SLC44A5: variants seen among roughly 807,000 people sequenced by gnomAD.
The protein encoded by SLC44A5 is solute carrier family 44 member 5, also known as choline transporter-like protein 5.
SLC44A5 carries 57 observed loss-of-function variants against 101.8 expected under a neutral mutation model. The observed-to-expected ratio is 0.56, with a 90% CI of 0.45 to 0.70. The LOEUF is 0.70. SLC44A5 is among the 30% of genes least tolerant of loss of function. The pLI is 0.00. For missense variants in SLC44A5, 737 were observed against 853.1 expected (o/e 0.86, Z 1.70); for synonymous variants, 281 against 290.9 (o/e 0.97, Z 0.35).
At chr1:75,464,158 G>T (rs1221359808) in intron 2 of SLC44A5, among the ~76,000 whole-genome samples, 4 of 141,994 alleles carry the variant, frequency 2.8e-5, no homozygotes, top group Non-Finnish European at 6.0e-5. Flanking sequence ...GAAGGTGGAG[G>T]TTGCAGTGAA....
At chr1:75,589,710 T>A (rs1440425696) in intron 1 of SLC44A5, among the ~76,000 whole-genome samples, 1 of 152,088 alleles carries the variant, frequency 6.6e-6, no homozygotes, top group African/African-American at 2.4e-5. Flanking sequence ...TGCCCCCACC[T>A]CTGGCAGCAG....
chr1:75,332,096 A>G (rs962448901), intron 4 of SLC44A5, among the ~76,000 whole-genome samples: 2 of 152,216 alleles, frequency 1.3e-5, no homozygotes, highest in Non-Finnish European at 2.9e-5. Flanking sequence ...CCTAGAAGAC[A>G]TGGGGCATGT....
chr1:75,708,517 G>A, the SLC44A5 span, among the ~76,000 whole-genome samples: 1 of 150,722 alleles, frequency 6.6e-6, no homozygotes, highest in Admixed American at 6.6e-5. Context: ...AGTACACAGT[G>A]ATACAAGTTC....
chr1:75,679,300 C>T, the SLC44A5 span, among the ~76,000 whole-genome samples: 634 of 152,208 alleles, frequency 4.2e-3, 6 homozygotes, highest in East Asian at 0.036. Flanking sequence ...AACTCCAAGA[C>T]ATGCAATTGT....
intron 4 of SLC44A5, among the ~76,000 whole-genome samples, chr1:75,304,475 C>T (rs1422062788): frequency 6.6e-6 from 1 of 152,120 alleles, no homozygotes; most frequent in African/African-American, 2.4e-5. Flanking sequence ...ATAGCTTGGG[C>T]ACCATTTTGT....
chr1:75,276,943 A>C (rs1651972317), intron 5 of SLC44A5, among the ~76,000 whole-genome samples: 1 of 152,206 alleles, frequency 6.6e-6, no homozygotes, highest in Non-Finnish European at 1.5e-5. Flanking sequence ...CCACAGCTGC[A>C]AAACAACTCA....
At chr1:75,315,759 C>T (rs1007382379) in intron 4 of SLC44A5, among the ~76,000 whole-genome samples, 3 of 152,120 alleles carry the variant, frequency 2.0e-5, no homozygotes, top group African/African-American at 7.2e-5. Flanking sequence ...TGTTCCAAAT[C>T]GAACTTACTA....
chr1:75,219,785 A>T lies in SLC44A5; in HGVS notation c.1178+15T>A. On this transcript the variant is annotated intron_variant, in intron 15 of 23. Transcript: ENST00000370859. The stretch of plus-strand genomic sequence containing the variant: ...GTGAACCTGAGGTTTAAAGAGGCCA[A>T]TTACCAAAGGATACACTGCTGTCAC... 1 of 1,584,994 alleles carries T rather than the reference A, an allele frequency of 6.3e-7. No individual in the cohort carries two copies. Among genetic ancestry groups the T allele is most frequent in the South Asian group, 1.1e-5 (1 of 89,290 alleles).
chr1:75,255,682 C>T (rs181876377), intron 6 of SLC44A5, among the ~76,000 whole-genome samples: 1 of 152,132 alleles, frequency 6.6e-6, no homozygotes, highest in Non-Finnish European at 1.5e-5. Context: ...AAAGGACTTA[C>T]TAAGGACTCA....
At chr1:75,367,777 G>A (rs927013427) in intron 3 of SLC44A5, among the ~76,000 whole-genome samples, 4 of 152,218 alleles carry the variant, frequency 2.6e-5, no homozygotes, top group Non-Finnish European at 5.9e-5. Context: ...GCACAGGCCT[G>A]CCTTCTCAAA....
the SLC44A5 span, among the ~76,000 whole-genome samples, chr1:75,645,415 T>C: frequency 1.3e-5 from 2 of 152,268 alleles, no homozygotes; most frequent in African/African-American, 2.4e-5. Flanking sequence ...TTTGGCTGCA[T>C]AAATGTCTTC....
At chr1:75,589,309 C>T (rs1006600515) in intron 1 of SLC44A5, among the ~76,000 whole-genome samples, 1 of 152,170 alleles carries the variant, frequency 6.6e-6, no homozygotes, top group Admixed American at 6.5e-5. Context: ...TTTAACTTCC[C>T]TGATCCTAAG....
the SLC44A5 span, among the ~76,000 whole-genome samples, chr1:75,622,542 A>C: frequency 6.6e-6 from 1 of 152,142 alleles, no homozygotes; most frequent in Non-Finnish European, 1.5e-5. Flanking sequence ...TGGGATGGCC[A>C]AGAAATCTTA....
At chr1:75,219,985 A>G in intron 14 of SLC44A5, 93 bp from the exon 15 acceptor site, 1 of 676,208 alleles carries the variant, frequency 1.5e-6, no homozygotes, top group Middle Eastern at 2.7e-4. Flanking sequence ...ATAACCACGG[A>G]CTCTTTTTTG....
At chr1:75,672,817 T>C in the SLC44A5 span, among the ~76,000 whole-genome samples, 3 of 152,296 alleles carry the variant, frequency 2.0e-5, no homozygotes, top group Admixed American at 1.3e-4. Context: ...TTCTAGGCCC[T>C]AGCTCCAGGA....
At chr1:75,644,187 A>T in the SLC44A5 span, among the ~76,000 whole-genome samples, 1 of 152,200 alleles carries the variant, frequency 6.6e-6, no homozygotes, top group Non-Finnish European at 1.5e-5. Context: ...AAATTTTACT[A>T]AGATAGTAAA....
intron 2 of SLC44A5, among the ~76,000 whole-genome samples, chr1:75,430,494 G>A (rs905254609): frequency 2.0e-5 from 3 of 152,172 alleles, no homozygotes; most frequent in Non-Finnish European, 4.4e-5. Context: ...ACAGTATGAT[G>A]TGGAGAAAAA....
intron 23 of SLC44A5, chr1:75,206,517 C>T (rs1449739549): frequency 3.5e-6 from 3 of 869,088 alleles, no homozygotes; most frequent in Non-Finnish European, 5.6e-6. Context: ...ACAGAAATTT[C>T]ACATTACTCA....
At chr1:75,614,047 G>A (rs575888693), upstream of SLC44A5, among the ~76,000 whole-genome samples, 2 of 152,230 alleles carry the variant, frequency 1.3e-5, no homozygotes, top group South Asian at 2.1e-4. Flanking sequence ...GTTTGGGGTG[G>A]GAATGAAATG....
Sources: gnomAD v4.1 joint callset for allele counts (sites outside exome capture counted in the v4.1 genomes callset) on GRCh38, gnomAD v4.1.1 for gene constraint, MANE v1.5 for transcripts, NCBI Gene and HGNC (gene_info 2026-07-23, HGNC 2026-07-21) for gene names.